Variants in CD302 observed in about 807,000 individuals in gnomAD.
CD302 encodes the protein CD302 molecule.
A neutral mutation model predicts 26.5 loss-of-function variants in CD302; 23 were observed. That is an observed-to-expected ratio of 0.87 (90% CI 0.62 to 1.23). CD302 has a LOEUF of 1.23. CD302 is among the 50% of genes most tolerant of loss of function. The pLI is 0.00. For missense variants in CD302, 290 were observed against 275.5 expected (o/e 1.05, Z -0.37); for synonymous variants, 90 against 99.4 (o/e 0.91, Z 0.56).
intron 4 of CD302, among the ~76,000 whole-genome samples, chr2:159,778,556 T>C (rs1425796965): frequency 6.6e-6 from 1 of 152,212 alleles, no homozygotes; most frequent in Non-Finnish European, 1.5e-5. Context: ...CATACTTCCA[T>C]ATGTAAAGAA....
rs528896320 is a variant in CD302 at position 159,769,936 on chromosome 2, G to T, written c.*1915C>A. On this transcript the variant is annotated 3_prime_UTR_variant, in exon 6 of 6. Coordinates refer to ENST00000259053, the MANE Select transcript of CD302 (RefSeq NM_014880.5). The stretch of plus-strand genomic sequence containing the variant: ...TTGAACACTTGACAATGTGGCTAAT[G>T]TAATTCGAAAACTGGATTTTAAACT... 5 of 152,294 alleles carry T rather than the reference G, an allele frequency of 3.3e-5. No homozygotes were observed. The East Asian group carries it at 9.7e-4, about 29-fold the overall frequency. 9.4% of individuals were successfully genotyped at this position (152,294 alleles called of 1,614,324 possible).
At chr2:159,785,816 T>C (rs1253976924) in intron 1 of CD302, among the ~76,000 whole-genome samples, 1 of 152,168 alleles carries the variant, frequency 6.6e-6, no homozygotes, top group African/African-American at 2.4e-5. Flanking sequence ...CCCACTAGAA[T>C]TGATTGTGAC....
chr2:159,790,018 A>G (rs13016015), intron 1 of CD302, among the ~76,000 whole-genome samples: 52,335 of 152,134 alleles, frequency 0.34, 9,217 homozygotes, highest in South Asian at 0.44. Flanking sequence ...CTACTCCATG[A>G]TAGCCAGATG....
chr2:159,797,234 A>G (rs1682466574), intron 1 of CD302, among the ~76,000 whole-genome samples: 1 of 140,514 alleles, frequency 7.1e-6, no homozygotes. Flanking sequence ...GGGGGGGGGA[A>G]TCTCTTGCAT....
At chr2:159,787,959 T>C (rs1358936821) in intron 1 of CD302, among the ~76,000 whole-genome samples, 3 of 152,034 alleles carry the variant, frequency 2.0e-5, no homozygotes, top group Non-Finnish European at 4.4e-5. Flanking sequence ...TACAAAAAAT[T>C]AGCTGGGTGT....
chr2:159,793,053 C>T (rs915068620), intron 1 of CD302, among the ~76,000 whole-genome samples: 4 of 152,118 alleles, frequency 2.6e-5, no homozygotes, highest in Admixed American at 2.0e-4. Context: ...TAAACTAAGT[C>T]GTCTTCAACG....
At chr2:159,779,956 A>G in intron 4 of CD302, 49 bp downstream of exon 4, 1 of 1,568,464 alleles carries the variant, frequency 6.4e-7, no homozygotes, top group Non-Finnish European at 8.6e-7. Flanking sequence ...AACCAGTCCT[A>G]CTTTCTCTGC....
chr2:159,783,575 G>T, intron 1 of CD302, 106 bp from the exon 2 acceptor site: 1 of 737,928 alleles, frequency 1.4e-6, no homozygotes, highest in Non-Finnish European at 2.0e-6. Flanking sequence ...ACACACAAAG[G>T]CAATTTCCTT....
At chr2:159,778,930 G>A (rs1708419474) in intron 4 of CD302, among the ~76,000 whole-genome samples, 1 of 152,064 alleles carries the variant, frequency 6.6e-6, no homozygotes, top group Non-Finnish European at 1.5e-5. Flanking sequence ...GATAACTTCT[G>A]TTCATTAAAA....
Position 159,774,316 on chromosome 2 carries a change from A to C in CD302, c.497-2263T>G, listed in dbSNP as rs555524674. 2.0e-5 allele frequency among the ~76,000 whole-genome samples: 3 copies of C among 152,304 alleles called. No homozygotes were observed. The East Asian group carries it at 5.8e-4, about 29-fold the overall frequency. ...CAAATAAATAGCCACTGTCCAGTCA[A>C]CCAATCTGGAAATTTATAGACTTCC... On this transcript the variant is annotated intron_variant, in intron 5 of 5. Transcript: ENST00000259053.
At chr2:159,776,697 A>ATTTTT (rs753454427) in intron 5 of CD302, among the ~76,000 whole-genome samples, 7 of 114,622 alleles carry the variant, frequency 6.1e-5, no homozygotes, top group East Asian at 5.2e-4. Context: ...CTCACATCCA[A>ATTTTT]TTTTTTTTTT....
intron 1 of CD302, among the ~76,000 whole-genome samples, chr2:159,792,047 C>T (rs1325822297): frequency 6.6e-6 from 1 of 152,170 alleles, no homozygotes; most frequent in Admixed American, 6.5e-5. Flanking sequence ...GAAGCAGTTG[C>T]TTGTCTGGGT....
At chr2:159,794,962 C>T (rs1369685464) in intron 1 of CD302, among the ~76,000 whole-genome samples, 5 of 151,814 alleles carry the variant, frequency 3.3e-5, no homozygotes, top group Non-Finnish European at 7.4e-5. Context: ...CGGTGGCTCA[C>T]ACCTGTAATC....
chr2:159,781,120 T>C, intron 2 of CD302, 122 bp from the exon 3 acceptor site: 1 of 775,848 alleles, frequency 1.3e-6, no homozygotes. Context: ...GACAATAAAC[T>C]TTGATCTTAC....
At position 159,770,210 on chromosome 2, in the gene CD302, A is replaced by G. The variant is rs1370884858; in HGVS notation, c.*1641T>C. On this transcript the variant is annotated 3_prime_UTR_variant, in exon 6 of 6. Coordinates refer to ENST00000259053, the MANE Select transcript of CD302 (RefSeq NM_014880.5). ...GGCAGGAATTCCAGGGTAGTGTTCA[A>G]TATTGACATTAGTAATAGTCTATCA... 2 of 152,184 alleles carry G rather than the reference A, an allele frequency of 1.3e-5. No individual in the cohort carries two copies. Among genetic ancestry groups the G allele is most frequent in the African/African-American group, 4.8e-5 (2 of 41,430 alleles). 9.4% of individuals were successfully genotyped at this position (152,184 alleles called of 1,614,324 possible). A position where few individuals can be genotyped will look rare whatever the true frequency, so the allele number is the denominator to read the frequency against.
chr2:159,771,756 T>C lies in CD302; in HGVS notation c.*95A>G. ...CTGGAATAAGGAATACCATTAAAGC[T>C]CTAATATCCAATGTCAAGTTTTATA... is the stretch of plus-strand genomic sequence containing the variant. On this transcript the variant is annotated 3_prime_UTR_variant, in exon 6 of 6. Coordinates refer to ENST00000259053, the MANE Select transcript of CD302 (RefSeq NM_014880.5). The C allele has an allele frequency of 7.4e-7, 1 of 1,350,942 alleles. No individual in the cohort carries two copies. The highest frequency in any genetic ancestry group is 1.0e-6 in the Non-Finnish European group (1 of 978,692). The allele number at this position is 1,350,942 out of a possible 1,614,324, so 83.7% of individuals were successfully genotyped here.
intron 1 of CD302, among the ~76,000 whole-genome samples, chr2:159,788,639 C>T (rs532252195): frequency 3.9e-5 from 6 of 152,332 alleles, no homozygotes; most frequent in East Asian, 1.9e-4. Context: ...GCTTTTTGGA[C>T]AGTAATGTGC....
intron 1 of CD302, among the ~76,000 whole-genome samples, chr2:159,795,875 C>G (rs907928636): frequency 6.6e-6 from 1 of 152,218 alleles, no homozygotes; most frequent in Non-Finnish European, 1.5e-5. Flanking sequence ...AGGACTTACT[C>G]GGAACATGCT....
At position 159,772,045 on chromosome 2, in the gene CD302, TGTG is replaced by T. The variant is rs768276498; in HGVS notation, c.502_504del (p.His168del). ...GCAATCACCAATGCTGATATTAAAA[TGTG>T]GTTATCTGAAAAGGAAAAGACAAAA... On this transcript the variant is annotated inframe_deletion, in exon 6 of 6. Coordinates refer to ENST00000259053, the MANE Select transcript of CD302 (RefSeq NM_014880.5). 5.0e-6 allele frequency: 8 copies of T among 1,613,736 alleles called. No homozygotes were observed. In the African/African-American group the frequency reaches 1.1e-4, roughly 22 times the overall value.
Sources: allele counts gnomAD v4.1 joint callset (sites outside exome capture counted in the v4.1 genomes callset), GRCh38; gene constraint gnomAD v4.1.1; transcripts MANE v1.5; gene names NCBI Gene and HGNC (gene_info 2026-07-23, HGNC 2026-07-21).